The following MNAT1 variants were observed in gnomAD, a reference collection of about 807,000 sequenced individuals.
The protein encoded by MNAT1 is MNAT1 component of CDK activating kinase, also known as CDK-activating kinase assembly factor MAT1.
Under a neutral mutation model 42.0 loss-of-function variants are expected in MNAT1, and 43 were observed. That is an observed-to-expected ratio of 1.02 (90% CI 0.80 to 1.32). The LOEUF (loss-of-function observed/expected upper bound fraction) is 1.32. Ranked by LOEUF, MNAT1 falls within the 40% of genes most tolerant of loss-of-function variation. The pLI, the probability that MNAT1 is intolerant of heterozygous loss-of-function variation, is 0.00. For synonymous variants in MNAT1, 118 were observed against 120.0 expected (o/e 0.98, Z 0.11); for missense variants, 306 against 350.4 (o/e 0.87, Z 1.01).
intron 1 of MNAT1, among the ~76,000 whole-genome samples, chr14:60,768,013 C>T (rs536944669): frequency 1.3e-5 from 2 of 152,276 alleles, no homozygotes; most frequent in East Asian, 3.9e-4. Flanking sequence ...ATCTGCCTGC[C>T]TCGGCCTCCC....
chr14:60,796,189 A>G (rs1176691562), intron 1 of MNAT1, 28 bp from the exon 2 acceptor site: 1 of 1,593,698 alleles, frequency 6.3e-7, no homozygotes, highest in Non-Finnish European at 8.6e-7. Context: ...ATTGGCTTAA[A>G]TGTTATGTTT....
intron 7 of MNAT1, among the ~76,000 whole-genome samples, chr14:60,910,434 C>G (rs1260971160): frequency 3.3e-5 from 5 of 152,126 alleles, no homozygotes; most frequent in Admixed American, 3.3e-4. Flanking sequence ...CAGTTTTTGT[C>G]CATTCAGTAT....
chr14:60,802,925 A>G (rs1287089761), intron 3 of MNAT1, among the ~76,000 whole-genome samples: 3 of 151,428 alleles, frequency 2.0e-5, no homozygotes, highest in African/African-American at 7.3e-5. Flanking sequence ...CATCATATAA[A>G]TAAAACTTTT....
At chr14:60,943,903 A>G (rs2036224606) in intron 7 of MNAT1, among the ~76,000 whole-genome samples, 1 of 152,224 alleles carries the variant, frequency 6.6e-6, no homozygotes. Context: ...AGATTTAGTC[A>G]TGGACTAAAA....
At chr14:60,967,483 CT>C (rs1301530770) in intron 7 of MNAT1, among the ~76,000 whole-genome samples, 3 of 152,056 alleles carry the variant, frequency 2.0e-5, no homozygotes, top group East Asian at 1.9e-4. Context: ...AGTTGCCCTT[CT>C]TTGGCTAGAT....
intron 1 of MNAT1, among the ~76,000 whole-genome samples, chr14:60,758,535 G>T (rs1016823818): frequency 1.6e-4 from 24 of 151,830 alleles, no homozygotes; most frequent in South Asian, 1.5e-3. Context: ...TCCTGGCCGA[G>T]GACTGCTTCA....
chr14:60,854,377 G>A (rs921233003), intron 6 of MNAT1, among the ~76,000 whole-genome samples: 2 of 152,164 alleles, frequency 1.3e-5, no homozygotes, highest in African/African-American at 4.8e-5. Context: ...GAGAAGAAGA[G>A]GCATTCTGGT....
intron 7 of MNAT1, among the ~76,000 whole-genome samples, chr14:60,909,756 G>A (rs1207538338): frequency 2.8e-4 from 43 of 152,302 alleles, no homozygotes; most frequent in Admixed American, 5.9e-4. Context: ...GTCAGGCAGC[G>A]TGATGCCTCC....
chr14:60,892,209 C>T (rs1253846894), intron 7 of MNAT1, among the ~76,000 whole-genome samples: 4 of 151,938 alleles, frequency 2.6e-5, no homozygotes, highest in Non-Finnish European at 5.9e-5. Flanking sequence ...TTTTATTTAT[C>T]TTTTGTCTAG....
chr14:60,786,371 A>G (rs2140318429), intron 1 of MNAT1, among the ~76,000 whole-genome samples: 2 of 152,236 alleles, frequency 1.3e-5, no homozygotes, highest in South Asian at 4.1e-4. Context: ...CACTTAAATT[A>G]TGATTGCATT....
chr14:60,823,886 C>T (rs1016613569), intron 6 of MNAT1, among the ~76,000 whole-genome samples: 4 of 146,972 alleles, frequency 2.7e-5, no homozygotes, highest in Non-Finnish European at 4.5e-5. Flanking sequence ...AGGCTGGGCG[C>T]GGTGGCTCAT....
chr14:60,786,235 G>A (rs4151190), intron 1 of MNAT1, among the ~76,000 whole-genome samples: 100,236 of 151,816 alleles, frequency 0.66, 33,441 homozygotes, highest in Admixed American at 0.72. Context: ...CTAATCAAGA[G>A]AAAGAGGTAG....
At chr14:60,776,743 A>T (rs771617239) in intron 1 of MNAT1, among the ~76,000 whole-genome samples, 1 of 152,210 alleles carries the variant, frequency 6.6e-6, no homozygotes, top group Non-Finnish European at 1.5e-5. Flanking sequence ...TGGGGAGGAC[A>T]TGAGAATACA....
intron 6 of MNAT1, among the ~76,000 whole-genome samples, chr14:60,828,177 G>A (rs1434649628): frequency 6.6e-6 from 1 of 152,026 alleles, no homozygotes; most frequent in Admixed American, 6.6e-5. Context: ...CTAATTGTTT[G>A]GTCTTGGGCA....
chr14:60,898,140 T>TGTGC (rs1328997127), intron 7 of MNAT1, among the ~76,000 whole-genome samples: 6 of 10,104 alleles, frequency 5.9e-4, no homozygotes, highest in African/African-American at 1.6e-3. Context: ...TGTGTGTGTG[T>TGTGC]GCGCGCGCCA....
intron 7 of MNAT1, among the ~76,000 whole-genome samples, chr14:60,911,118 G>A (rs1333755691): frequency 1.3e-5 from 2 of 152,176 alleles, no homozygotes; most frequent in South Asian, 4.1e-4. Flanking sequence ...GTGTAGAGGT[G>A]TTTATAGTAT....
chr14:60,937,814 C>A (rs1302534663), intron 7 of MNAT1, among the ~76,000 whole-genome samples: 2 of 151,914 alleles, frequency 1.3e-5, no homozygotes, highest in African/African-American at 4.8e-5. Context: ...TATAAATTAC[C>A]TTGGGCAGTA....
chr14:60,957,464 C>G (rs2036506519), intron 7 of MNAT1, among the ~76,000 whole-genome samples: 1 of 152,114 alleles, frequency 6.6e-6, no homozygotes, highest in South Asian at 2.1e-4. Flanking sequence ...ATAAAACCAA[C>G]AGATCTCATG....
chr14:60,743,034 A>G (rs1442566343), intron 1 of MNAT1, among the ~76,000 whole-genome samples: 1 of 152,208 alleles, frequency 6.6e-6, no homozygotes, highest in Non-Finnish European at 1.5e-5. Flanking sequence ...ATTGGATCAT[A>G]TGGTAACTCT....
Sources: gnomAD v4.1 joint callset for allele counts (sites outside exome capture counted in the v4.1 genomes callset) on GRCh38, gnomAD v4.1.1 for gene constraint, MANE v1.5 for transcripts, NCBI Gene and HGNC (gene_info 2026-07-23, HGNC 2026-07-21) for gene names.